The following PDE2A variants were observed in gnomAD, a reference collection of about 807,000 sequenced individuals.
PDE2A encodes cGMP-dependent 3',5'-cyclic phosphodiesterase.
PDE2A carries 53 observed loss-of-function variants against 133.6 expected under a neutral mutation model. The ratio of observed to expected loss-of-function variants is 0.40; its 90% CI spans 0.32 to 0.50. The LOEUF is 0.50. Ranked by LOEUF, PDE2A falls within the 20% of genes least tolerant of loss-of-function variation. PDE2A has a pLI of 0.73. For missense variants in PDE2A, 796 were observed against 1,232.4 expected (o/e 0.65, Z 5.30); for synonymous variants, 491 against 490.2 (o/e 1.00, Z -0.02).
At chr11:72,666,331 A>G (rs1855232598) in intron 1 of PDE2A, among the ~76,000 whole-genome samples, 1 of 152,160 alleles carries the variant, frequency 6.6e-6, no homozygotes, top group Non-Finnish European at 1.5e-5. Flanking sequence ...CAGTAGTTGC[A>G]TCAGTACAAG....
At chr11:72,577,841 G>A (rs1270214087) in intron 30 of PDE2A, among the ~76,000 whole-genome samples, 4 of 152,158 alleles carry the variant, frequency 2.6e-5, no homozygotes, top group African/African-American at 7.2e-5. Context: ...GCGTGGTGGT[G>A]CATGCCTGTA....
Position 72,598,589 on chromosome 11 carries a change from G to A in PDE2A, c.324-970C>T, listed in dbSNP as rs937630687. Reference sequence around the variant, plus strand: ...CCTCATGCTGCCTCCACTTAATTGTGCTTGTAGGAACTGCCTGGCCTGGAC... The same window carrying A: ...CCTCATGCTGCCTCCACTTAATTGTACTTGTAGGAACTGCCTGGCCTGGAC... On this transcript the variant is annotated intron_variant, in intron 4 of 30. Transcript: ENST00000334456. 5 of 1,288,872 alleles carry A rather than the reference G, an allele frequency of 3.9e-6. No homozygotes were observed. In the African/African-American group the frequency reaches 6.1e-5, roughly 16 times the overall value. 79.8% of individuals were successfully genotyped at this position (1,288,872 alleles called of 1,614,324 possible).
At chr11:72,667,092 TGA>T (rs2135464663) in intron 1 of PDE2A, among the ~76,000 whole-genome samples, 1 of 152,194 alleles carries the variant, frequency 6.6e-6, no homozygotes, top group South Asian at 2.1e-4. Context: ...GGTGAGAGTG[TGA>T]GACCCTGTCT....
chr11:72,630,938 G>T, intron 2 of PDE2A: 1 of 669,286 alleles, frequency 1.5e-6, no homozygotes. Context: ...TATAGGGGTG[G>T]TCCTAGTCTG....
chr11:72,664,499 G>A (rs1271367990), intron 1 of PDE2A, among the ~76,000 whole-genome samples: 1 of 145,064 alleles, frequency 6.9e-6, no homozygotes, highest in African/African-American at 2.6e-5. Flanking sequence ...TCAGCCTCCC[G>A]AGTAGCTGGG....
chr11:72,660,506 G>A (rs560431905), intron 1 of PDE2A, among the ~76,000 whole-genome samples: 8 of 152,314 alleles, frequency 5.3e-5, no homozygotes, highest in African/African-American at 1.4e-4. Context: ...GCAACCTGGA[G>A]AGGGAGCCAG....
intron 4 of PDE2A, chr11:72,598,392 G>A (rs1276439772): frequency 8.0e-6 from 5 of 627,084 alleles, no homozygotes; most frequent in African/African-American, 1.9e-5. Flanking sequence ...TGGCAGAGGG[G>A]TGGTGGGAAC....
intron 2 of PDE2A, among the ~76,000 whole-genome samples, chr11:72,627,975 G>C (rs916379187): frequency 1.3e-5 from 2 of 152,250 alleles, no homozygotes; most frequent in African/African-American, 4.8e-5. Context: ...CAGGGGCTAG[G>C]TAACCATCCC....
chr11:72,648,995 C>T (rs1402225207), intron 1 of PDE2A, among the ~76,000 whole-genome samples: 2 of 152,172 alleles, frequency 1.3e-5, no homozygotes, highest in African/African-American at 4.8e-5. Context: ...ATCTTTTCCA[C>T]ACCTAAATCT....
chr11:72,668,309 C>T lies in PDE2A; in HGVS notation c.71+5828G>A, dbSNP rs1252597092. ...CACTGGCTGAATACCTGTGGGCAAG[C>T]GATTTCCCCTCCTGGATCCTCTGTT... On this transcript the variant is annotated intron_variant, in intron 1 of 30. Transcript: ENST00000334456. 24 of 718,548 alleles carry T rather than the reference C, an allele frequency of 3.3e-5. No individual in the cohort carries two copies. Among genetic ancestry groups the T allele is most frequent in the Non-Finnish European group, 4.7e-5 (18 of 385,124 alleles). 44.5% of individuals were successfully genotyped at this position (718,548 alleles called of 1,614,324 possible).
At chr11:72,658,353 C>T (rs1854957450) in intron 1 of PDE2A, 1 of 358,708 alleles carries the variant, frequency 2.8e-6, no homozygotes, top group Admixed American at 3.8e-5. Context: ...TCCAAGCAGG[C>T]TGGAGCTGTG....
chr11:72,602,913 G>A (rs1387692625), intron 4 of PDE2A, among the ~76,000 whole-genome samples: 3 of 152,188 alleles, frequency 2.0e-5, no homozygotes, highest in Non-Finnish European at 4.4e-5. Flanking sequence ...AGCCAACCCT[G>A]GGGCCTCTCC....
At chr11:72,666,381 C>CAA (rs1435621235) in intron 1 of PDE2A, among the ~76,000 whole-genome samples, 1 of 152,090 alleles carries the variant, frequency 6.6e-6, no homozygotes, top group Non-Finnish European at 1.5e-5. Context: ...TTAAGTGTGA[C>CAA]CATTAAGAGT....
intron 27 of PDE2A, 39 bp from the exon 28 acceptor site, chr11:72,579,048 C>A: frequency 7.0e-7 from 1 of 1,432,028 alleles, no homozygotes; most frequent in Non-Finnish European, 9.8e-7. Flanking sequence ...CGGGGCCCAG[C>A]CTCTTTGCCC....
intron 2 of PDE2A, among the ~76,000 whole-genome samples, chr11:72,611,710 C>T (rs1185631197): frequency 1.3e-5 from 2 of 152,166 alleles, no homozygotes; most frequent in Non-Finnish European, 2.9e-5. Context: ...TTCTGTCAAT[C>T]CACCTCCTGG....
At position 72,586,148 on chromosome 11, in the gene PDE2A, G is replaced by A; in HGVS notation, c.1104C>T (p.His368=). The A allele has an allele frequency of 1.9e-6, 3 of 1,612,990 alleles. No homozygotes were observed. Among genetic ancestry groups the A allele is most frequent in the Non-Finnish European group, 2.5e-6 (3 of 1,179,398 alleles). The change falls in exon 14 of 31, where the codon CAC becomes CAT. Residue 368 remains histidine (H), a synonymous_variant. Coordinates refer to ENST00000334456, the MANE Select transcript of PDE2A (RefSeq NM_002599.5). ...FTDEDEHVIQ[H]CFHYTSTVLT... is the part of the protein sequence containing the mutation. ...GCACGGTGCTGGTGTAGTGGAAGCA[G>A]TGCTGGATCACATGCTCGTCCTCGT...
intron 2 of PDE2A, among the ~76,000 whole-genome samples, chr11:72,612,394 A>G (rs1669629024): frequency 6.6e-6 from 1 of 152,078 alleles, no homozygotes; most frequent in Non-Finnish European, 1.5e-5. Flanking sequence ...AAATATCAGT[A>G]TAGATATCAG....
intron 1 of PDE2A, 183 bp from the exon 2 acceptor site, chr11:72,642,509 C>T (rs890379766): frequency 5.4e-6 from 3 of 559,686 alleles, no homozygotes; most frequent in South Asian, 7.4e-5. Context: ...CCCCGGCCCG[C>T]CCCGGCCCCG....
At position 72,579,018 on chromosome 11, in the gene PDE2A, G is replaced by T; in HGVS notation, c.2357-9C>A. On this transcript the variant is annotated splice_polypyrimidine_tract_variant and intron_variant, in intron 27 of 30. Coordinates refer to ENST00000334456, the MANE Select transcript of PDE2A (RefSeq NM_002599.5). Reference sequence around the variant, plus strand: ...GTTTCGGTCGTAGCCCACTGTTGAGGGGAGGATGGGGTCAAGGAGCGGGGC... The same window carrying T: ...GTTTCGGTCGTAGCCCACTGTTGAGTGGAGGATGGGGTCAAGGAGCGGGGC... 2 of 1,584,246 alleles carry T rather than the reference G, an allele frequency of 1.3e-6. No homozygotes were observed. The highest frequency in any genetic ancestry group is 1.7e-6 in the Non-Finnish European group (2 of 1,152,882).
Sources: allele counts gnomAD v4.1 joint callset (sites outside exome capture counted in the v4.1 genomes callset), GRCh38; gene constraint gnomAD v4.1.1; transcripts MANE v1.5; gene names NCBI Gene and HGNC (gene_info 2026-07-23, HGNC 2026-07-21).